Variants in SAMD12 observed in about 807,000 individuals in gnomAD.
SAMD12 encodes the protein sterile alpha motif domain-containing protein 12.
SAMD12 carries 9 observed loss-of-function variants against 15.0 expected under a neutral mutation model. The ratio of observed to expected loss-of-function variants is 0.60; its 90% CI spans 0.36 to 1.05. SAMD12 has a LOEUF of 1.05. Among genes scored for constraint, SAMD12 ranks in the 50% least tolerant of loss-of-function variants. The probability of loss-of-function intolerance (pLI) is 0.01; values close to 1 mark genes in which losing one functional copy is unlikely to be tolerated. For missense variants in SAMD12, 230 were observed against 234.2 expected (o/e 0.98, Z 0.12); for synonymous variants, 86 against 90.1 (o/e 0.96, Z 0.25).
intron 4 of SAMD12, among the ~76,000 whole-genome samples, chr8:118,347,807 T>C (rs1488460940): frequency 6.6e-6 from 1 of 152,212 alleles, no homozygotes; most frequent in East Asian, 1.9e-4. Flanking sequence ...AGCTCTTACA[T>C]AGCTCTTACT....
intron 2 of SAMD12, among the ~76,000 whole-genome samples, chr8:118,571,254 A>G (rs1450362428): frequency 3.3e-5 from 5 of 152,170 alleles, no homozygotes; most frequent in Non-Finnish European, 7.3e-5. Flanking sequence ...GGCTCAGAAG[A>G]AGGCAGGAAA....
At chr8:118,192,865 T>C (rs946406186) in exon 5 of SAMD12, 12 of 152,184 alleles carry the variant, frequency 7.9e-5, no homozygotes, top group Admixed American at 6.5e-4. Context: ...GTGCTTGATA[T>C]AATTGTAGGA....
intron 2 of SAMD12, among the ~76,000 whole-genome samples, chr8:118,465,149 A>G (rs1823555658): frequency 6.6e-6 from 1 of 152,154 alleles, no homozygotes; most frequent in Admixed American, 6.5e-5. Flanking sequence ...CCCCAACCAA[A>G]TTAAATCAGA....
chr8:118,282,374 G>T, intron 4 of SAMD12: 1 of 456,188 alleles, frequency 2.2e-6, no homozygotes, highest in Non-Finnish European at 4.4e-6. Context: ...GTATAGGCTG[G>T]TGTTGGTTGA....
At chr8:118,212,787 A>C (rs1811865370) in intron 4 of SAMD12, among the ~76,000 whole-genome samples, 1 of 152,238 alleles carries the variant, frequency 6.6e-6, no homozygotes, top group Non-Finnish European at 1.5e-5. Context: ...AGATATGCAC[A>C]ATCACAGGCC....
At chr8:118,460,889 T>A (rs1337537439) in intron 2 of SAMD12, among the ~76,000 whole-genome samples, 1 of 152,168 alleles carries the variant, frequency 6.6e-6, no homozygotes, top group East Asian at 1.9e-4. Flanking sequence ...AAAACTGACA[T>A]GACGGCACCA....
intron 2 of SAMD12, among the ~76,000 whole-genome samples, chr8:118,524,850 A>C (rs1362264824): frequency 1.3e-5 from 2 of 152,192 alleles, no homozygotes; most frequent in African/African-American, 2.4e-5. Flanking sequence ...CTACACTGCC[A>C]TACTGGGTCA....
intron 2 of SAMD12, among the ~76,000 whole-genome samples, chr8:118,565,274 G>A (rs1826814693): frequency 6.6e-6 from 1 of 152,134 alleles, no homozygotes; most frequent in Non-Finnish European, 1.5e-5. Flanking sequence ...GTTAGCCACA[G>A]GTAAACATGG....
intron 1 of SAMD12, among the ~76,000 whole-genome samples, chr8:118,599,403 C>T (rs566863790): frequency 2.0e-5 from 3 of 152,168 alleles, no homozygotes; most frequent in Non-Finnish European, 4.4e-5. Context: ...GCTCCGAGAA[C>T]CAAGTGACAA....
chr8:118,522,353 T>G (rs924396025), intron 2 of SAMD12, among the ~76,000 whole-genome samples: 4 of 152,140 alleles, frequency 2.6e-5, no homozygotes, highest in African/African-American at 9.7e-5. Flanking sequence ...AAGGTGTTTT[T>G]GGCAGTATTT....
chr8:118,560,034 C>A (rs1451958017), intron 2 of SAMD12, among the ~76,000 whole-genome samples: 1 of 152,048 alleles, frequency 6.6e-6, no homozygotes, highest in African/African-American at 2.4e-5. Context: ...ATAAAAGGAG[C>A]AAATATATTG....
At chr8:118,341,023 G>A (rs1380073202) in intron 4 of SAMD12, among the ~76,000 whole-genome samples, 1 of 152,166 alleles carries the variant, frequency 6.6e-6, no homozygotes, top group African/African-American at 2.4e-5. Flanking sequence ...TTCCTGAAGG[G>A]CTCAGCTGGG....
At chr8:118,186,292 G>A (rs540643195), downstream of SAMD12, among the ~76,000 whole-genome samples, 7 of 152,116 alleles carry the variant, frequency 4.6e-5, no homozygotes, top group Admixed American at 1.3e-4. Context: ...TTTTAATATA[G>A]GCTACTTAAG....
At chr8:118,405,766 A>G (rs1238467989) in intron 3 of SAMD12, among the ~76,000 whole-genome samples, 1 of 152,196 alleles carries the variant, frequency 6.6e-6, no homozygotes, top group Non-Finnish European at 1.5e-5. Context: ...GAAAGTGTGA[A>G]AAAGTTTAAA....
At chr8:118,470,302 A>T (rs1400687318) in intron 2 of SAMD12, among the ~76,000 whole-genome samples, 2 of 152,136 alleles carry the variant, frequency 1.3e-5, no homozygotes, top group African/African-American at 4.8e-5. Context: ...AGGTAATAAA[A>T]AAATAACATG....
At chr8:118,310,092 T>C (rs924248925) in intron 4 of SAMD12, among the ~76,000 whole-genome samples, 3 of 152,244 alleles carry the variant, frequency 2.0e-5, no homozygotes, top group African/African-American at 7.2e-5. Context: ...CTAACACTTT[T>C]GCTGATGCTG....
At chr8:118,517,515 A>G (rs1289874911) in intron 2 of SAMD12, among the ~76,000 whole-genome samples, 2 of 152,210 alleles carry the variant, frequency 1.3e-5, no homozygotes, top group African/African-American at 2.4e-5. Context: ...AGGGAAGTAT[A>G]TCACATCCAT....
intron 1 of SAMD12, chr8:118,621,496 A>G (rs570694823): frequency 1.8e-4 from 82 of 444,348 alleles, no homozygotes; most frequent in Non-Finnish European, 3.1e-4. Flanking sequence ...CGGGGCCAAA[A>G]CCTCATGCCG....
At chr8:118,251,469 C>T (rs1246606527) in intron 4 of SAMD12, among the ~76,000 whole-genome samples, 5 of 152,106 alleles carry the variant, frequency 3.3e-5, no homozygotes. Flanking sequence ...TCCAGTCCGT[C>T]TAGTGTTCAC....
Sources: allele counts gnomAD v4.1 joint callset (sites outside exome capture counted in the v4.1 genomes callset), GRCh38; gene constraint gnomAD v4.1.1; transcripts MANE v1.5; gene names NCBI Gene and HGNC (gene_info 2026-07-23, HGNC 2026-07-21).